WWOX: variants seen among roughly 807,000 people sequenced by gnomAD.
WWOX encodes the protein WW domain-containing oxidoreductase.
In WWOX, 69 loss-of-function variants were observed where a neutral mutation model predicts 46.2. The observed-to-expected ratio is 1.49, with a 90% confidence interval of 1.23 to 1.82. The LOEUF is 1.82. WWOX is among the 40% of genes most tolerant of loss of function. The pLI, the probability that WWOX is intolerant of heterozygous loss-of-function variation, is 0.00. For missense variants in WWOX, 919 were observed against 542.6 expected (o/e 1.69, Z -6.89); for synonymous variants, 359 against 202.6 (o/e 1.77, Z -6.56).
chr16:78,624,787 C>T (rs749326084), intron 8 of WWOX, among the ~76,000 whole-genome samples: 1 of 152,142 alleles, frequency 6.6e-6, no homozygotes, highest in African/African-American at 2.4e-5. Context: ...CAATGGTGAA[C>T]GAGAAGGTAT....
intron 8 of WWOX, among the ~76,000 whole-genome samples, chr16:79,161,752 C>G (rs893458715): frequency 6.6e-6 from 1 of 152,188 alleles, no homozygotes; most frequent in Non-Finnish European, 1.5e-5. Context: ...CTCGTGACCT[C>G]AAGCAATCCA....
chr16:78,690,671 G>A (rs2047964679), intron 8 of WWOX, among the ~76,000 whole-genome samples: 1 of 152,070 alleles, frequency 6.6e-6, no homozygotes, highest in South Asian at 2.1e-4. Flanking sequence ...TCCCAACCTG[G>A]TTCTTTGTCT....
At chr16:78,819,106 C>T (rs1177660838) in intron 8 of WWOX, among the ~76,000 whole-genome samples, 2 of 152,174 alleles carry the variant, frequency 1.3e-5, no homozygotes, top group Non-Finnish European at 2.9e-5. Flanking sequence ...CACAGAAAAG[C>T]GTTCACTCTT....
intron 8 of WWOX, among the ~76,000 whole-genome samples, chr16:78,870,579 C>G (rs972163103): frequency 3.3e-5 from 5 of 151,664 alleles, no homozygotes; most frequent in African/African-American, 1.2e-4. Flanking sequence ...TGTCTCTCTT[C>G]TCACCCCTAC....
chr16:78,371,618 C>A (rs1022151496), intron 5 of WWOX, among the ~76,000 whole-genome samples: 2 of 152,108 alleles, frequency 1.3e-5, no homozygotes, highest in African/African-American at 4.8e-5. Flanking sequence ...TTGGCACATG[C>A]AAGTTCATGA....
intron 8 of WWOX, among the ~76,000 whole-genome samples, chr16:79,075,785 G>T (rs1294723915): frequency 3.9e-5 from 6 of 152,050 alleles, no homozygotes; most frequent in Admixed American, 3.9e-4. Flanking sequence ...ATGGAAGCAA[G>T]AGAGGTTTAC....
chr16:79,034,117 T>C (rs2047820009), intron 8 of WWOX, among the ~76,000 whole-genome samples: 1 of 152,232 alleles, frequency 6.6e-6, no homozygotes, highest in Admixed American at 6.5e-5. Flanking sequence ...GGATGCCTTT[T>C]ATTATGCACT....
chr16:78,597,290 T>A (rs994037719), intron 8 of WWOX, among the ~76,000 whole-genome samples: 3 of 152,190 alleles, frequency 2.0e-5, no homozygotes, highest in Non-Finnish European at 4.4e-5. Flanking sequence ...GTCAATCAAT[T>A]AAACGGATAC....
intron 8 of WWOX, among the ~76,000 whole-genome samples, chr16:78,492,126 A>C (rs1178562629): frequency 6.6e-6 from 1 of 152,180 alleles, no homozygotes; most frequent in Non-Finnish European, 1.5e-5. Context: ...ATGACAAGTA[A>C]ATGAGCAACC....
intron 8 of WWOX, chr16:78,898,259 A>G (rs2044747016): frequency 6.6e-6 from 1 of 152,060 alleles, no homozygotes; most frequent in African/African-American, 2.4e-5. Flanking sequence ...TCTTCTAGAC[A>G]CTCCATAACT....
At chr16:78,371,943 A>G (rs2081699998) in intron 5 of WWOX, among the ~76,000 whole-genome samples, 1 of 152,226 alleles carries the variant, frequency 6.6e-6, no homozygotes, top group Non-Finnish European at 1.5e-5. Context: ...CTTATGTAAC[A>G]GTGCTTATTG....
chr16:78,134,372 C>T (rs534255390), intron 4 of WWOX, among the ~76,000 whole-genome samples: 211 of 152,076 alleles, frequency 1.4e-3, no homozygotes, highest in African/African-American at 4.8e-3. Flanking sequence ...GTGAATACTT[C>T]GCAATGCCTG....
intron 5 of WWOX, among the ~76,000 whole-genome samples, chr16:78,272,566 T>C (rs1237171461): frequency 6.6e-6 from 1 of 152,186 alleles, no homozygotes; most frequent in Admixed American, 6.5e-5. Context: ...ACAAAGAATT[T>C]GCAGCCATCT....
chr16:79,115,944 C>T (rs985388180), intron 8 of WWOX, among the ~76,000 whole-genome samples: 3 of 152,160 alleles, frequency 2.0e-5, no homozygotes, highest in African/African-American at 4.8e-5. Flanking sequence ...CCGTTCCAGA[C>T]CACCACAATA....
intron 8 of WWOX, among the ~76,000 whole-genome samples, chr16:78,568,161 C>T (rs577327158): frequency 1.3e-5 from 2 of 152,194 alleles, no homozygotes; most frequent in African/African-American, 4.8e-5. Flanking sequence ...TAAAATATGC[C>T]ACTTTCACCA....
At position 78,423,663 on chromosome 16, in the gene WWOX, C is replaced by G. The variant is rs79198673; in HGVS notation, c.606-1207C>G. Among the ~76,000 whole-genome samples the G allele has an allele frequency of 3.8e-3, 573 of 151,736 alleles. 4 individuals carry two copies. Among genetic ancestry groups the G allele is most frequent in the African/African-American group, 0.013 (544 of 41,378 alleles). ...ACCACCTTGGGCAACATAGGGGGAG[C>G]CCATCTCTACAAAAATAAAAAATAA... On this transcript the variant is annotated intron_variant, in intron 6 of 8. Coordinates refer to ENST00000566780, the MANE Select transcript of WWOX (RefSeq NM_016373.4).
At chr16:78,435,168 G>T (rs2083306180) in intron 8 of WWOX, among the ~76,000 whole-genome samples, 1 of 152,102 alleles carries the variant, frequency 6.6e-6, no homozygotes, top group African/African-American at 2.4e-5. Flanking sequence ...AGAGTATGGG[G>T]TTAGAAATGG....
rs149893959 is a variant in WWOX, at chr16:78,548,401, A to G, written c.1056+115649A>G. ...GTGACTCACGCAGAGCAGAATCCGAATTTTCTAAGTGATGAACATGTTAAC... is the reference window on the plus strand; with the variant it reads ...GTGACTCACGCAGAGCAGAATCCGAGTTTTCTAAGTGATGAACATGTTAAC... On this transcript the variant is annotated intron_variant, in intron 8 of 8. Coordinates refer to ENST00000566780, the MANE Select transcript of WWOX (RefSeq NM_016373.4). 2.2e-3 allele frequency among the ~76,000 whole-genome samples: 328 copies of G among 152,254 alleles called. 1 individual carries two copies. Among genetic ancestry groups the G allele is most frequent in the African/African-American group, 7.5e-3 (311 of 41,566 alleles).
At chr16:78,200,815 C>T (rs11648896) in intron 5 of WWOX, among the ~76,000 whole-genome samples, 3,950 of 152,178 alleles carry the variant, frequency 0.026, 76 homozygotes, top group Non-Finnish European at 0.042. Flanking sequence ...TGTGCATTCA[C>T]GATGGGCTGT....
Sources: allele counts gnomAD v4.1 joint callset (sites outside exome capture counted in the v4.1 genomes callset), GRCh38; gene constraint gnomAD v4.1.1; transcripts MANE v1.5; gene names NCBI Gene and HGNC (gene_info 2026-07-23, HGNC 2026-07-21).